SPRY3: variants seen among roughly 807,000 people sequenced by gnomAD.
SPRY3 encodes the protein sprouty RTK signaling antagonist 3.
Under a neutral mutation model 20.2 loss-of-function variants are expected in SPRY3, and 15 were observed. The ratio of observed to expected loss-of-function variants is 0.74; its 90% CI spans 0.50 to 1.14. The LOEUF (loss-of-function observed/expected upper bound fraction) is 1.14. Ranked by LOEUF, SPRY3 falls within the 50% of genes most tolerant of loss-of-function variation. The probability of loss-of-function intolerance (pLI) is 0.00; values close to 1 mark genes in which losing one functional copy is unlikely to be tolerated. For missense variants in SPRY3, 364 were observed against 363.9 expected, an observed-to-expected ratio of 1.00 and a Z score of 0.00; for synonymous variants, 143 against 136.5, an observed-to-expected ratio of 1.05 and a Z score of -0.33.
At chrX:155,750,649 A>G (rs2091257757) in intron 2 of SPRY3, among the ~76,000 whole-genome samples, 3 of 151,890 alleles carry the variant, frequency 2.0e-5, no homozygotes, top group Non-Finnish European at 4.4e-5. Flanking sequence ...GATCATTGGT[A>G]ATGTCAGCAA....
At chrX:155,766,414 C>A (rs939437451) in intron 2 of SPRY3, among the ~76,000 whole-genome samples, 5 of 152,142 alleles carry the variant, frequency 3.3e-5, no homozygotes, top group African/African-American at 1.2e-4. Flanking sequence ...TAAGGTCACA[C>A]AAGGAGTCAG....
chrX:155,754,475 A>G (rs1034313092), intron 2 of SPRY3, among the ~76,000 whole-genome samples: 2 of 152,018 alleles, frequency 1.3e-5, no homozygotes, highest in Non-Finnish European at 2.9e-5. Context: ...CCAGTACTAT[A>G]CCATCTTGAT....
chrX:155,648,826 A>T (rs2067966690), intron 1 of SPRY3, among the ~76,000 whole-genome samples: 1 of 111,615 alleles, frequency 9.0e-6, no homozygotes. Flanking sequence ...AAATCAGTGA[A>T]TCCAGGCGCT....
chrX:155,730,108 A>T (rs914789174), intron 2 of SPRY3, among the ~76,000 whole-genome samples: 2 of 152,246 alleles, frequency 1.3e-5, no homozygotes, highest in South Asian at 2.1e-4. Flanking sequence ...AATCTAAAAA[A>T]CATTTAAAGA....
chrX:155,774,324 G>A, exon 4 of SPRY3: 1 of 1,614,022 alleles, frequency 6.2e-7, no homozygotes, highest in Non-Finnish European at 8.5e-7. Flanking sequence ...AGGAATGTGG[G>A]CGCTGCAAGT....
intron 2 of SPRY3, among the ~76,000 whole-genome samples, chrX:155,711,516 C>T (rs777186993): frequency 6.6e-6 from 1 of 151,344 alleles, no homozygotes; most frequent in Non-Finnish European, 1.5e-5. Context: ...TGTTTCATCT[C>T]TGATTTTATT....
intron 2 of SPRY3, among the ~76,000 whole-genome samples, chrX:155,707,484 G>A (rs1289130075): frequency 1.3e-5 from 2 of 151,162 alleles, no homozygotes; most frequent in African/African-American, 2.4e-5. Flanking sequence ...AAAATGTCAG[G>A]TCACACTGGT....
At chrX:155,707,251 C>A (rs1197141496) in intron 2 of SPRY3, among the ~76,000 whole-genome samples, 2 of 151,070 alleles carry the variant, frequency 1.3e-5, no homozygotes, top group South Asian at 2.1e-4. Context: ...ATTTATGGAT[C>A]GTTTGGAAGT....
intron 2 of SPRY3, among the ~76,000 whole-genome samples, chrX:155,713,932 C>T (rs2091003908): frequency 6.6e-6 from 1 of 152,112 alleles, no homozygotes; most frequent in Admixed American, 6.6e-5. Context: ...AATAGCCTGT[C>T]TTCAAGCTCA....
intron 2 of SPRY3, among the ~76,000 whole-genome samples, chrX:155,750,410 T>C (rs774825012): frequency 2.2e-4 from 33 of 151,934 alleles, no homozygotes; most frequent in African/African-American, 7.7e-4. Context: ...CCTGCACATA[T>C]ACCCTCTGAA....
Position 155,670,649 on chromosome X carries a change from T to A in SPRY3, c.-282+13624T>A, listed in dbSNP as rs782366993. ...TTTTTCTTTATTGTTTTAAAAATTA[T>A]TTTATAATAACTTTTGTCTGACCTC... On this transcript the variant is annotated intron_variant, in intron 2 of 3. Transcript: ENST00000675360. Among the ~76,000 whole-genome samples the A allele has an allele frequency of 5.3e-5, 6 of 112,482 alleles. No homozygotes were observed. In the South Asian group the frequency reaches 2.2e-3, roughly 41 times the overall value.
intron 2 of SPRY3, among the ~76,000 whole-genome samples, chrX:155,749,932 T>G (rs965699631): frequency 6.6e-6 from 1 of 151,678 alleles, no homozygotes; most frequent in African/African-American, 2.4e-5. Flanking sequence ...AGATATTAAT[T>G]TGAGAGTTAT....
At chrX:155,725,789 T>C (rs1436407724) in intron 2 of SPRY3, among the ~76,000 whole-genome samples, 1 of 152,224 alleles carries the variant, frequency 6.6e-6, no homozygotes, top group African/African-American at 2.4e-5. Context: ...TCATTGATTT[T>C]TTGAAGGGTT....
chrX:155,708,822 C>T (rs1287673927), intron 2 of SPRY3, among the ~76,000 whole-genome samples: 1 of 151,378 alleles, frequency 6.6e-6, no homozygotes, highest in Non-Finnish European at 1.5e-5. Flanking sequence ...CATTGTTATG[C>T]TATCAAATAC....
intron 2 of SPRY3, among the ~76,000 whole-genome samples, chrX:155,751,928 TAAAATAAAATAAAATAAAATAA>T (rs1482961113): frequency 9.1e-5 from 2 of 21,982 alleles, no homozygotes; most frequent in African/African-American, 9.2e-4. Context: ...GGAAGGGAAA[TAAAATAAAATAAAATAAAATAA>T]AATAAAATAA....
intron 2 of SPRY3, among the ~76,000 whole-genome samples, chrX:155,749,500 G>A (rs1438174119): frequency 6.6e-6 from 1 of 151,710 alleles, no homozygotes; most frequent in African/African-American, 2.4e-5. Context: ...GTGATGAGGT[G>A]AATCAAGAGC....
At chrX:155,682,525 TA>T (rs1425123199) in intron 2 of SPRY3, among the ~76,000 whole-genome samples, 1 of 111,685 alleles carries the variant, frequency 9.0e-6, no homozygotes, top group African/African-American at 3.3e-5. Flanking sequence ...GTTATTTTTT[TA>T]AAAACATTTT....
chrX:155,734,665 C>A (rs2091156502), intron 2 of SPRY3, among the ~76,000 whole-genome samples: 1 of 151,592 alleles, frequency 6.6e-6, no homozygotes, highest in Non-Finnish European at 1.5e-5. Context: ...CACAAACAAA[C>A]AAACAAAATC....
chrX:155,731,092 A>T (rs1398815192), intron 2 of SPRY3, among the ~76,000 whole-genome samples: 1 of 152,114 alleles, frequency 6.6e-6, no homozygotes, highest in African/African-American at 2.4e-5. Context: ...TACCCAAAGC[A>T]ATCTACAGAT....
Sources: gnomAD v4.1 joint callset for allele counts (sites outside exome capture counted in the v4.1 genomes callset) on GRCh38, gnomAD v4.1.1 for gene constraint, MANE v1.5 for transcripts, NCBI Gene and HGNC (gene_info 2026-07-23, HGNC 2026-07-21) for gene names.